The following ZNF462 variants were observed in gnomAD, a reference collection of about 807,000 sequenced individuals.
ZNF462 encodes zinc finger protein 462, also known as zinc finger PBX1-interacting protein.
A neutral mutation model predicts 201.9 loss-of-function variants in ZNF462; 10 were observed. The ratio of observed to expected loss-of-function variants is 0.05; its 90% CI spans 0.03 to 0.08. The LOEUF is 0.08. Ranked by LOEUF, ZNF462 falls within the 10% of genes least tolerant of loss-of-function variation. The pLI, the probability that ZNF462 is intolerant of heterozygous loss-of-function variation, is 1.00. For synonymous variants in ZNF462, 1,227 were observed against 1,193.3 expected, an observed-to-expected ratio of 1.03 and a Z score of -0.58; for missense variants, 2,523 against 3,168.3, an observed-to-expected ratio of 0.80 and a Z score of 4.89.
At chr9:106,866,399 C>A (rs779489044) in intron 1 of ZNF462, among the ~76,000 whole-genome samples, 8 of 152,124 alleles carry the variant, frequency 5.3e-5, no homozygotes, top group Admixed American at 3.3e-4. Flanking sequence ...ATTTTTCAAA[C>A]CAAACTGTTG....
rs2131311059 is a variant in ZNF462, at chr9:106,911,973, C to A, written c.-30-11381C>A. 1.3e-5 allele frequency among the ~76,000 whole-genome samples: 2 copies of A among 152,258 alleles called. 1 individual carries two copies. Among genetic ancestry groups the A allele is most frequent in the South Asian group, 4.1e-4 (2 of 4,820 alleles). On this transcript the variant is annotated intron_variant, in intron 1 of 12. Coordinates refer to ENST00000277225, the MANE Select transcript of ZNF462 (RefSeq NM_021224.6). ...TGCAGTATATAATTTGAAGCGAAAT[C>A]CAGTATGAACAATATTCTGGTATCA...
intron 9 of ZNF462, among the ~76,000 whole-genome samples, chr9:106,982,841 C>T (rs185627991): frequency 5.8e-4 from 88 of 151,986 alleles, no homozygotes; most frequent in African/African-American, 2.0e-3. Flanking sequence ...GGAAAATTCC[C>T]TAGAGCCTGC....
chr9:106,934,527 G>T (rs1166032018), intron 5 of ZNF462, among the ~76,000 whole-genome samples: 1 of 152,190 alleles, frequency 6.6e-6, no homozygotes, highest in East Asian at 1.9e-4. Flanking sequence ...AGGAAATGAA[G>T]AAGAGAATTT....
rs1362850361 is a variant in ZNF462 at position 107,008,832 on chromosome 9, C to T, written c.7190-713C>T. On this transcript the variant is annotated intron_variant, in intron 11 of 12. Transcript: ENST00000277225. This position sits in a 1 kb window ranked among gnomAD's most constrained non-coding sequence, Gnocchi z 4.8. ...CCGTCCAGAAATGTCTGCATATCCCCGTATTCATGAATACCACCAATTGAG... is the reference window on the plus strand; with the variant it reads ...CCGTCCAGAAATGTCTGCATATCCCTGTATTCATGAATACCACCAATTGAG... Among the ~76,000 whole-genome samples the T allele has an allele frequency of 2.0e-5, 3 of 152,184 alleles. No individual in the cohort carries two copies. The highest frequency in any genetic ancestry group is 4.4e-5 in the Non-Finnish European group (3 of 68,030).
Position 106,870,761 on chromosome 9 carries a change from CTG to C in ZNF462, c.-31+7410_-31+7411del, listed in dbSNP as rs1424093519. On this transcript the variant is annotated intron_variant, in intron 1 of 12. Coordinates refer to ENST00000277225, the MANE Select transcript of ZNF462 (RefSeq NM_021224.6). This position sits in a 1 kb window ranked among gnomAD's most constrained non-coding sequence, Gnocchi z 4.3. Reference sequence around the variant, plus strand: ...GGAGCTGTAGGCCCAGGTGAGACAACTGTGTCAGAAGTAATAAAGCCCAGGAT... The same window carrying C: ...GGAGCTGTAGGCCCAGGTGAGACAACTGTCAGAAGTAATAAAGCCCAGGAT... Among the ~76,000 whole-genome samples, 1 of 152,176 alleles carries C rather than the reference CTG, an allele frequency of 6.6e-6. No individual in the cohort carries two copies. The highest frequency in any genetic ancestry group is 2.4e-5 in the African/African-American group (1 of 41,450).
rs1342876053 is a variant in ZNF462, at chr9:106,978,423, A to G, written c.6832+4150A>G. 6.6e-6 allele frequency among the ~76,000 whole-genome samples: 1 copy of G among 151,726 alleles called. No homozygotes were observed. The highest frequency in any genetic ancestry group is 2.4e-5 in the African/African-American group (1 of 40,972). ...GAAGTTGGAACTTTAGTCAGTAGAC[A>G]GATGGGAAGCCAGGACAAATTCTGA... On this transcript the variant is annotated intron_variant, in intron 9 of 12. Coordinates refer to ENST00000277225, the MANE Select transcript of ZNF462 (RefSeq NM_021224.6). This position sits in a 1 kb window ranked among gnomAD's most constrained non-coding sequence, Gnocchi z 4.1.
At position 106,902,464 on chromosome 9, in the gene ZNF462, T is replaced by C. The variant is rs973104779; in HGVS notation, c.-30-20890T>C. Reference sequence around the variant, plus strand: ...TGAATTAGGGAGGGTTCTCTCTCTCTCTCTGTCTTGTGGAATAGTGTCAAA... The same window carrying C: ...TGAATTAGGGAGGGTTCTCTCTCTCCCTCTGTCTTGTGGAATAGTGTCAAA... On this transcript the variant is annotated intron_variant, in intron 1 of 12. Transcript: ENST00000277225. This position sits in a 1 kb window ranked among gnomAD's most constrained non-coding sequence, Gnocchi z 4.2. 4.6e-5 allele frequency among the ~76,000 whole-genome samples: 7 copies of C among 152,190 alleles called. No homozygotes were observed. The highest frequency in any genetic ancestry group is 1.7e-4 in the African/African-American group (7 of 41,448).
intron 10 of ZNF462, among the ~76,000 whole-genome samples, chr9:106,990,497 T>C (rs1316728944): frequency 6.6e-6 from 1 of 152,120 alleles, no homozygotes; most frequent in Non-Finnish European, 1.5e-5. Context: ...TGATGACCTG[T>C]CTAGTGCTGT....
chr9:106,921,159 A>G (rs935391077), intron 1 of ZNF462, among the ~76,000 whole-genome samples: 1 of 152,112 alleles, frequency 6.6e-6, no homozygotes, highest in Non-Finnish European at 1.5e-5. Context: ...CAAGAAGCCA[A>G]GGCATTCTGG....
In ZNF462 at chr9:106,865,239, T is replaced by C. The variant is rs1827280603; in HGVS notation, c.-31+1884T>C. 6.6e-6 allele frequency among the ~76,000 whole-genome samples: 1 copy of C among 151,970 alleles called. No individual in the cohort carries two copies. The highest frequency in any genetic ancestry group is 1.5e-5 in the Non-Finnish European group (1 of 67,998). ...TCTCCTTTTGAGTGGACCTGAAGGGTTTTGACCTCCTTCAGGAAAGGCAAG... is the reference window on the plus strand; with the variant it reads ...TCTCCTTTTGAGTGGACCTGAAGGGCTTTGACCTCCTTCAGGAAAGGCAAG... On this transcript the variant is annotated intron_variant, in intron 1 of 12. Coordinates refer to ENST00000277225, the MANE Select transcript of ZNF462 (RefSeq NM_021224.6). The surrounding 1 kb of genome is among the most constrained non-coding windows in gnomAD (Gnocchi z 4.1).
At chr9:107,004,550 T>C (rs1829414142) in intron 11 of ZNF462, among the ~76,000 whole-genome samples, 1 of 152,186 alleles carries the variant, frequency 6.6e-6, no homozygotes, top group Admixed American at 6.5e-5. Flanking sequence ...AAGATTTTTT[T>C]TAACTTTAAA....
upstream of ZNF462, among the ~76,000 whole-genome samples, chr9:106,860,475 C>A (rs548010567): frequency 1.3e-5 from 2 of 152,200 alleles, no homozygotes; most frequent in South Asian, 2.1e-4. The surrounding 1 kb of genome is among the most constrained non-coding windows in gnomAD (Gnocchi z 7.1). Flanking sequence ...CCCTCCCCAC[C>A]GCCTGGTTCC....
At chr9:106,921,312 G>A (rs1473858320) in intron 1 of ZNF462, among the ~76,000 whole-genome samples, 2 of 152,192 alleles carry the variant, frequency 1.3e-5, no homozygotes. Context: ...CTTGGTGAAT[G>A]ACATTTGAGG....
chr9:106,868,462 C>T (rs946997227), intron 1 of ZNF462, among the ~76,000 whole-genome samples: 9 of 152,138 alleles, frequency 5.9e-5, no homozygotes, highest in Non-Finnish European at 1.0e-4. Flanking sequence ...ACTGAAGTTT[C>T]GGGGTGAGGA....
At position 107,010,608 on chromosome 9, in the gene ZNF462, C is replaced by A. The variant is rs1200706775; in HGVS notation, c.7314-215C>A. 6.6e-6 allele frequency among the ~76,000 whole-genome samples: 1 copy of A among 152,054 alleles called. No individual in the cohort carries two copies. Among genetic ancestry groups the A allele is most frequent in the Non-Finnish European group, 1.5e-5 (1 of 68,018 alleles). ...AATGGATACTTCTGTAAGTTCAAAT[C>A]TTTAAGATACAGAAATATATGACTT... On this transcript the variant is annotated intron_variant, in intron 12 of 12. Coordinates refer to ENST00000277225, the MANE Select transcript of ZNF462 (RefSeq NM_021224.6). The surrounding 1 kb of genome is among the most constrained non-coding windows in gnomAD (Gnocchi z 4.6).
chr9:106,957,092 C>T (rs955585578), intron 7 of ZNF462, among the ~76,000 whole-genome samples: 3 of 152,174 alleles, frequency 2.0e-5, no homozygotes, highest in East Asian at 1.9e-4. Flanking sequence ...TGGTTTTCAT[C>T]GTGTCTCAGC....
In ZNF462 at chr9:106,884,905, T is replaced by C. The variant is rs73668705; in HGVS notation, c.-31+21550T>C. On this transcript the variant is annotated intron_variant, in intron 1 of 12. Coordinates refer to ENST00000277225, the MANE Select transcript of ZNF462 (RefSeq NM_021224.6). ...CGTTGGCTAGAGGATCAACACGGTC[T>C]AGGGTCTAATAGTATGCCTGATGTG... 8.5e-3 allele frequency among the ~76,000 whole-genome samples: 1,294 copies of C among 152,314 alleles called. 19 individuals carry two copies. Among genetic ancestry groups the C allele is most frequent in the African/African-American group, 0.03 (1,230 of 41,552 alleles).
chr9:106,927,664 C>T lies in ZNF462; in HGVS notation c.3752C>T (p.Ser1251Phe), dbSNP rs183951562. The change falls in exon 3 of 13, where the codon TCC becomes TTC. Residue 1251 changes from serine to phenylalanine, a missense_variant. Ser to Phe is a radical substitution (Grantham distance 155). Transcript: ENST00000277225. ...QKKPASCVLV[S>F]PSNLERDKTK... ...AAGCCTGCCAGCTGCGTGCTTGTCTCCCCCTCTAATCTGGAGCGGGACAAA... is the reference window on the plus strand; with the variant it reads ...AAGCCTGCCAGCTGCGTGCTTGTCTTCCCCTCTAATCTGGAGCGGGACAAA... 1 of 1,613,944 alleles carries T rather than the reference C, an allele frequency of 6.2e-7. No homozygotes were observed. The highest frequency in any genetic ancestry group is 1.3e-5 in the African/African-American group (1 of 74,878).
At chr9:106,879,742 A>T (rs1188834994) in intron 1 of ZNF462, among the ~76,000 whole-genome samples, 1 of 152,162 alleles carries the variant, frequency 6.6e-6, no homozygotes, top group Admixed American at 6.5e-5. Context: ...TATAATTGCT[A>T]TGTAACTGGA....
Sources: allele counts gnomAD v4.1 joint callset (sites outside exome capture counted in the v4.1 genomes callset), GRCh38; gene constraint gnomAD v4.1.1; non-coding constraint Gnocchi (gnomAD v3.1); transcripts MANE v1.5; gene names NCBI Gene and HGNC (gene_info 2026-07-23, HGNC 2026-07-21).